Variants in CPVL observed in about 807,000 individuals in gnomAD.
The protein encoded by CPVL is probable serine carboxypeptidase CPVL.
CPVL carries 51 observed loss-of-function variants against 63.7 expected under a neutral mutation model. The observed-to-expected ratio is 0.80, with a 90% CI of 0.64 to 1.01. CPVL has a LOEUF of 1.01. Among genes scored for constraint, CPVL ranks in the 50% least tolerant of loss-of-function variants. The pLI is 0.00. For synonymous variants in CPVL, 195 were observed against 206.0 expected (o/e 0.95, Z 0.46); for missense variants, 530 against 573.1 (o/e 0.92, Z 0.77).
chr7:29,194,503 C>T, intron 1 of CPVL: 1 of 165,556 alleles, frequency 6.0e-6, no homozygotes, highest in Non-Finnish European at 1.3e-5. Context: ...TCTGCCCGGT[C>T]TACTCGAAGT....
chr7:29,155,040 C>T (rs576209594), intron 5 of CPVL, among the ~76,000 whole-genome samples: 9 of 152,206 alleles, frequency 5.9e-5, no homozygotes, highest in African/African-American at 2.2e-4. Flanking sequence ...CTCTTTAAAA[C>T]CATCAGATCT....
chr7:29,072,217 A>C (rs1269787649), intron 8 of CPVL, 84 bp downstream of exon 8: 3 of 1,453,528 alleles, frequency 2.1e-6, no homozygotes, highest in East Asian at 4.6e-5. Context: ...CAAAAGTTAG[A>C]CCTCTAAGAG....
intron 11 of CPVL, among the ~76,000 whole-genome samples, chr7:29,046,130 G>A (rs1242010370): frequency 2.1e-5 from 3 of 141,512 alleles, no homozygotes; most frequent in Non-Finnish European, 4.5e-5. Context: ...TGTCACCCAA[G>A]TTGGAGTGCA....
chr7:29,060,811 A>G (rs1791198547), intron 11 of CPVL, among the ~76,000 whole-genome samples: 1 of 152,252 alleles, frequency 6.6e-6, no homozygotes, highest in Admixed American at 6.5e-5. Flanking sequence ...GAATAGAAAC[A>G]GGCATGCTAT....
intron 11 of CPVL, among the ~76,000 whole-genome samples, chr7:29,039,034 A>AT (rs34247827): frequency 4.0e-5 from 6 of 151,740 alleles, no homozygotes; most frequent in Admixed American, 2.6e-4. Flanking sequence ...AATGCTTCAG[A>AT]TTTTTTTTTA....
At chr7:29,046,567 G>GCA (rs10546847) in intron 11 of CPVL, among the ~76,000 whole-genome samples, 3,509 of 149,768 alleles carry the variant, frequency 0.023, 61 homozygotes, top group Non-Finnish European at 0.025. Flanking sequence ...GTGCGCGCGT[G>GCA]CACACACACA....
intron 3 of CPVL, 184 bp from the exon 4 acceptor site, chr7:29,096,401 G>C (rs905123375): frequency 1.0e-5 from 6 of 599,572 alleles, no homozygotes; most frequent in Non-Finnish European, 1.8e-5. Context: ...TTGGTTCTTT[G>C]AATGAGGCTG....
chr7:29,084,658 A>G (rs1785041948), intron 7 of CPVL, among the ~76,000 whole-genome samples: 1 of 152,192 alleles, frequency 6.6e-6, no homozygotes, highest in African/African-American at 2.4e-5. Flanking sequence ...ATAATCTTAA[A>G]AAGGATGAAA....
chr7:29,091,298 C>G (rs757341874), intron 6 of CPVL, among the ~76,000 whole-genome samples: 1 of 151,902 alleles, frequency 6.6e-6, no homozygotes, highest in Non-Finnish European at 1.5e-5. Flanking sequence ...CAGTGATGCT[C>G]TGTCTTAGAG....
chr7:29,186,008 A>G (rs1242647659), intron 2 of CPVL, among the ~76,000 whole-genome samples: 1 of 152,176 alleles, frequency 6.6e-6, no homozygotes, highest in Non-Finnish European at 1.5e-5. Context: ...GCAGATGCTC[A>G]CTGTATTGTT....
At chr7:29,129,994 C>G (rs1260641409) in intron 1 of CPVL, among the ~76,000 whole-genome samples, 1 of 152,136 alleles carries the variant, frequency 6.6e-6, no homozygotes, top group East Asian at 1.9e-4. Flanking sequence ...CAGGGAAGAT[C>G]GTAGCCTACA....
At chr7:29,123,719 TCCC>T (rs58339273) in intron 1 of CPVL, among the ~76,000 whole-genome samples, 1 of 132,788 alleles carries the variant, frequency 7.5e-6, no homozygotes, top group African/African-American at 2.8e-5. Context: ...TTTTTTTTTT[TCCC>T]CTGGGGACAG....
intron 2 of CPVL, chr7:29,185,694 G>A (rs955880686): frequency 1.3e-5 from 2 of 152,098 alleles, no homozygotes; most frequent in Non-Finnish European, 2.9e-5. Context: ...TCGGCATTGG[G>A]ATTTCTAAAA....
chr7:29,193,465 C>G (rs1202020056), intron 1 of CPVL: 5 of 152,160 alleles, frequency 3.3e-5, no homozygotes, highest in Non-Finnish European at 7.3e-5. Flanking sequence ...CCAATGTGAA[C>G]ACTTTCCATT....
chr7:28,995,970 T>A, intron 12 of CPVL, 88 bp from the exon 13 acceptor site: 1 of 743,732 alleles, frequency 1.3e-6, no homozygotes. Flanking sequence ...AAACTCTATT[T>A]AAAACTCACA....
intron 1 of CPVL, among the ~76,000 whole-genome samples, chr7:29,127,092 A>G (rs1790107838): frequency 6.6e-6 from 1 of 152,208 alleles, no homozygotes. Context: ...AGGAAAAGGA[A>G]ACTAGAGGTG....
chr7:29,101,954 T>C (rs939405692), intron 3 of CPVL, among the ~76,000 whole-genome samples: 2 of 152,352 alleles, frequency 1.3e-5, no homozygotes, highest in East Asian at 1.9e-4. Context: ...ATTATTTTGC[T>C]CAACAGTATG....
chr7:29,182,015 A>G (rs1429180240), intron 4 of CPVL, among the ~76,000 whole-genome samples: 1 of 152,218 alleles, frequency 6.6e-6, no homozygotes, highest in Non-Finnish European at 1.5e-5. Context: ...AATGCTGTAA[A>G]TGACTTTTTC....
At chr7:29,064,321 A>C (rs1303121411) in intron 10 of CPVL, 87 bp from the exon 11 acceptor site, 1 of 714,400 alleles carries the variant, frequency 1.4e-6, no homozygotes, top group Non-Finnish European at 2.2e-6. Flanking sequence ...TTCTCATAAC[A>C]TACAACATGG....
Sources: gnomAD v4.1 joint callset for allele counts (sites outside exome capture counted in the v4.1 genomes callset) on GRCh38, gnomAD v4.1.1 for gene constraint, MANE v1.5 for transcripts, NCBI Gene and HGNC (gene_info 2026-07-23, HGNC 2026-07-21) for gene names.